The following DAB1 variants were observed in gnomAD, a reference collection of about 807,000 sequenced individuals.
DAB1 encodes the protein DAB adaptor protein 1.
In DAB1, 15 loss-of-function variants were observed where a neutral mutation model predicts 64.6. That is an observed-to-expected ratio of 0.23 (90% CI 0.16 to 0.36). DAB1 has a LOEUF of 0.36. Among genes scored for constraint, DAB1 ranks in the 10% least tolerant of loss-of-function variants. The pLI is 1.00. For synonymous variants in DAB1, 235 were observed against 251.9 expected (o/e 0.93, Z 0.64); for missense variants, 596 against 706.7 (o/e 0.84, Z 1.78).
chr1:57,683,038 C>T (rs1204625917), intron 6 of DAB1, among the ~76,000 whole-genome samples: 1 of 152,182 alleles, frequency 6.6e-6, no homozygotes, highest in Non-Finnish European at 1.5e-5. Flanking sequence ...TCCCCAAGCA[C>T]AGAGAGAGCC....
chr1:58,375,406 G>A (rs1461397667), intron 3 of DAB1, among the ~76,000 whole-genome samples: 2 of 134,358 alleles, frequency 1.5e-5, no homozygotes, highest in Non-Finnish European at 3.2e-5. Context: ...GTTGAATTTT[G>A]TCAAAGGCTT....
chr1:57,963,891 A>G (rs1203577793), intron 5 of DAB1, among the ~76,000 whole-genome samples: 2 of 152,196 alleles, frequency 1.3e-5, no homozygotes, highest in Non-Finnish European at 2.9e-5. Flanking sequence ...AACAAGTCAC[A>G]TATTCTCCCT....
At chr1:57,673,628 A>G (rs1646532876) in intron 6 of DAB1, among the ~76,000 whole-genome samples, 1 of 152,196 alleles carries the variant, frequency 6.6e-6, no homozygotes, top group South Asian at 2.1e-4. Context: ...ATTTCGGAGC[A>G]GTAAATATTT....
At chr1:58,276,793 T>C (rs1244481471) in intron 4 of DAB1, among the ~76,000 whole-genome samples, 1 of 152,314 alleles carries the variant, frequency 6.6e-6, no homozygotes, top group South Asian at 2.1e-4. Context: ...CTTTCTTTTT[T>C]TCATTTCACT....
chr1:57,086,609 G>A (rs1380164912), intron 4 of DAB1, among the ~76,000 whole-genome samples: 1 of 145,842 alleles, frequency 6.9e-6, no homozygotes, highest in African/African-American at 2.5e-5. Flanking sequence ...TTCATTCAAA[G>A]TTCTTTAGTA....
At chr1:57,745,750 A>C (rs1187744371) in intron 6 of DAB1, among the ~76,000 whole-genome samples, 1 of 152,246 alleles carries the variant, frequency 6.6e-6, no homozygotes, top group Non-Finnish European at 1.5e-5. Flanking sequence ...ATCTTTTTCA[A>C]ATAAACACAT....
intron 7 of DAB1, among the ~76,000 whole-genome samples, chr1:57,563,821 C>T (rs1645082885): frequency 6.6e-6 from 1 of 152,218 alleles, no homozygotes; most frequent in Non-Finnish European, 1.5e-5. Flanking sequence ...CCCACCGCAG[C>T]TCAAGATGGC....
intron 7 of DAB1, among the ~76,000 whole-genome samples, chr1:57,471,311 G>A (rs1199910402): frequency 6.6e-6 from 1 of 152,172 alleles, no homozygotes; most frequent in Admixed American, 6.5e-5. Flanking sequence ...GGAACAATGA[G>A]AGGAAGGCAC....
chr1:58,186,877 A>G (rs1400577107), intron 4 of DAB1, among the ~76,000 whole-genome samples: 1 of 152,238 alleles, frequency 6.6e-6, no homozygotes. Context: ...GACCAAGAGT[A>G]CAACTGGAAA....
intron 7 of DAB1, among the ~76,000 whole-genome samples, chr1:57,645,192 C>A (rs1031763673): frequency 2.0e-5 from 3 of 152,150 alleles, no homozygotes; most frequent in Non-Finnish European, 4.4e-5. Context: ...TGAAAACATG[C>A]CAAGAAACCA....
chr1:57,072,516 G>A, intron 4 of DAB1, 102 bp from the exon 5 acceptor site: 1 of 1,335,568 alleles, frequency 7.5e-7, no homozygotes, highest in East Asian at 2.4e-5. Context: ...AGGCCCGAAG[G>A]GCTTTGGAAA....
At chr1:58,037,393 C>T (rs1302606193) in intron 5 of DAB1, among the ~76,000 whole-genome samples, 1 of 152,128 alleles carries the variant, frequency 6.6e-6, no homozygotes, top group African/African-American at 2.4e-5. Flanking sequence ...TGGATGAATA[C>T]TAGTCTGTGG....
At chr1:57,823,248 G>T (rs1652201213), downstream of DAB1, among the ~76,000 whole-genome samples, 1 of 152,006 alleles carries the variant, frequency 6.6e-6, no homozygotes, top group Non-Finnish European at 1.5e-5. Flanking sequence ...CTCCCAAAGT[G>T]CTGGGATTAC....
At chr1:57,606,375 C>CCT (rs1181564121) in intron 7 of DAB1, among the ~76,000 whole-genome samples, 7 of 12,880 alleles carry the variant, frequency 5.4e-4, no homozygotes, top group Non-Finnish European at 1.8e-3. Flanking sequence ...CCATTCTAAT[C>CCT]CTATATATAT....
At chr1:58,301,858 A>C (rs1342418201) in intron 4 of DAB1, among the ~76,000 whole-genome samples, 1 of 152,224 alleles carries the variant, frequency 6.6e-6, no homozygotes, top group Non-Finnish European at 1.5e-5. Flanking sequence ...AAATAAAAGC[A>C]TCTACCCTAT....
intron 4 of DAB1, among the ~76,000 whole-genome samples, chr1:57,115,620 T>A (rs546807118): frequency 6.6e-6 from 1 of 152,296 alleles, no homozygotes; most frequent in East Asian, 1.9e-4. Context: ...TAATGGCTAC[T>A]GTATTGCATG....
chr1:58,259,659 T>C (rs756450193), intron 4 of DAB1, among the ~76,000 whole-genome samples: 2 of 152,152 alleles, frequency 1.3e-5, no homozygotes, highest in Non-Finnish European at 2.9e-5. Context: ...GCCCAGTCGA[T>C]GTGTGTGAAA....
intron 3 of DAB1, among the ~76,000 whole-genome samples, chr1:58,449,728 G>A (rs1569811403): frequency 7.2e-6 from 1 of 138,750 alleles, no homozygotes; most frequent in Non-Finnish European, 1.6e-5. Flanking sequence ...GTCCCCAAAG[G>A]AGACAACTTC....
intron 7 of DAB1, among the ~76,000 whole-genome samples, chr1:57,634,724 G>T (rs1646030687): frequency 6.6e-6 from 1 of 152,018 alleles, no homozygotes. Flanking sequence ...TAAACAAAAA[G>T]GTATAATGAA....
Sources: gnomAD v4.1 joint callset for allele counts (sites outside exome capture counted in the v4.1 genomes callset) on GRCh38, gnomAD v4.1.1 for gene constraint, MANE v1.5 for transcripts, NCBI Gene and HGNC (gene_info 2026-07-23, HGNC 2026-07-21) for gene names.